KIF3C: variants seen among roughly 807,000 people sequenced by gnomAD.
KIF3C encodes kinesin-like protein KIF3C.
In KIF3C, 12 loss-of-function variants were observed where a neutral mutation model predicts 67.7. The ratio of observed to expected loss-of-function variants is 0.18; its 90% CI spans 0.11 to 0.29. The LOEUF is 0.29. KIF3C is among the 10% of genes least tolerant of loss of function. The probability of loss-of-function intolerance (pLI) is 1.00; values close to 1 mark genes in which losing one functional copy is unlikely to be tolerated. For missense variants in KIF3C, 789 were observed against 1,059.6 expected (o/e 0.74, Z 3.55); for synonymous variants, 393 against 426.2 (o/e 0.92, Z 0.96).
chr2:25,933,583 G>A (rs944904238), intron 5 of KIF3C, among the ~76,000 whole-genome samples: 4 of 151,854 alleles, frequency 2.6e-5, no homozygotes, highest in Non-Finnish European at 4.4e-5. Flanking sequence ...GCTGAGGTGG[G>A]AGGATCACCT....
intron 1 of KIF3C, among the ~76,000 whole-genome samples, chr2:25,966,669 G>A (rs1332283896): frequency 6.6e-6 from 1 of 152,218 alleles, no homozygotes; most frequent in Non-Finnish European, 1.5e-5. Flanking sequence ...CTAGAATGGA[G>A]ACAGCCAGGC....
chr2:25,980,079 C>G lies in KIF3C; in HGVS notation c.1545+294G>C, dbSNP rs574948537. Among the ~76,000 whole-genome samples, 1 of 152,290 alleles carries G rather than the reference C, an allele frequency of 6.6e-6. No homozygotes were observed. Among genetic ancestry groups the G allele is most frequent in the East Asian group, 1.9e-4 (1 of 5,188 alleles). Reference sequence around the variant, plus strand: ...TGGCCATCCCACAGACCTGACTGATCCTGAGGCCACCAGCAGGAAATGCCC... The same window carrying G: ...TGGCCATCCCACAGACCTGACTGATGCTGAGGCCACCAGCAGGAAATGCCC... On this transcript the variant is annotated intron_variant, in intron 1 of 7. Transcript: ENST00000264712. The surrounding 1 kb of genome is among the most constrained non-coding windows in gnomAD (Gnocchi z 7.6).
intron 1 of KIF3C, among the ~76,000 whole-genome samples, chr2:25,969,033 AG>A (rs1229823135): frequency 1.3e-5 from 2 of 152,116 alleles, no homozygotes; most frequent in Admixed American, 6.6e-5. Context: ...CACGTTGGTC[AG>A]GCTGGTCTCG....
chr2:25,981,340 T>A lies in KIF3C; in HGVS notation c.578A>T (p.His193Leu). The change falls in exon 1 of 8, where the codon CAT (histidine) becomes CTT (leucine). Residue 193 changes from histidine to leucine, a missense_variant. His to Leu is a moderately conservative substitution (Grantham distance 99, BLOSUM62 -3). Coordinates refer to ENST00000264712, the MANE Select transcript of KIF3C (RefSeq NM_002254.8). This position sits in a 1 kb window ranked among gnomAD's most constrained non-coding sequence, Gnocchi z 8.2. ...GGTCTGGTTCCCCAGGTTCATCACATGCTCAATCTCCTTGACATTCTTGGT... is the reference window on the plus strand; with the variant it reads ...GGTCTGGTTCCCCAGGTTCATCACAAGCTCAATCTCCTTGACATTCTTGGT... Reference protein sequence around the residue: ...FVTKNVKEIEHVMNLGNQTRA... With the variant: ...FVTKNVKEIELVMNLGNQTRA... The A allele has an allele frequency of 6.2e-7, 1 of 1,614,106 alleles. No individual in the cohort carries two copies. Among genetic ancestry groups the A allele is most frequent in the Non-Finnish European group, 8.5e-7 (1 of 1,180,002 alleles).
rs544610155 is a variant in KIF3C, at chr2:25,957,539, C to G, written c.1546-1095G>C. On this transcript the variant is annotated intron_variant, in intron 1 of 7. Transcript: ENST00000264712. Reference sequence around the variant, plus strand: ...GTCCTCTGGCTTCATCACGGGCCTCCTGGAAGGTTGAAATCACCTTGAACC... The same window carrying G: ...GTCCTCTGGCTTCATCACGGGCCTCGTGGAAGGTTGAAATCACCTTGAACC... Among the ~76,000 whole-genome samples the G allele has an allele frequency of 2.0e-5, 3 of 152,248 alleles. No individual in the cohort carries two copies. The South Asian group carries it at 6.2e-4, about 32-fold the overall frequency.
At chr2:25,950,906 A>G (rs1008906741) in intron 5 of KIF3C, among the ~76,000 whole-genome samples, 21 of 151,552 alleles carry the variant, frequency 1.4e-4, no homozygotes, top group Admixed American at 1.1e-3. Flanking sequence ...AAAAAAAAAA[A>G]AAGAAGAAGA....
At chr2:25,944,591 T>A (rs966596203) in intron 5 of KIF3C, among the ~76,000 whole-genome samples, 1 of 152,122 alleles carries the variant, frequency 6.6e-6, no homozygotes, top group African/African-American at 2.4e-5. Context: ...GCTCAAGCCA[T>A]CTACCTGCTT....
At chr2:25,933,976 C>A in intron 5 of KIF3C, 2 of 313,236 alleles carry the variant, frequency 6.4e-6, no homozygotes, top group Non-Finnish European at 1.3e-5. Flanking sequence ...AAATGTCCAC[C>A]AACTGATGTG....
chr2:25,934,260 G>T (rs1402672673), intron 5 of KIF3C: 3 of 450,624 alleles, frequency 6.7e-6, no homozygotes, highest in Admixed American at 2.6e-5. Flanking sequence ...ATTGGTTCAG[G>T]GTTTCTTTTT....
intron 3 of KIF3C, 71 bp from the exon 4 acceptor site, chr2:25,954,456 C>T (rs1663750882): frequency 3.5e-6 from 4 of 1,157,918 alleles, no homozygotes; most frequent in South Asian, 1.3e-5. Context: ...CAGCCTGGGC[C>T]GCAGGGCTGC....
At chr2:25,961,615 A>T (rs1476871294) in intron 1 of KIF3C, among the ~76,000 whole-genome samples, 1 of 152,260 alleles carries the variant, frequency 6.6e-6, no homozygotes, top group African/African-American at 2.4e-5. Context: ...ACACTGGCTG[A>T]ATATGCTGCC....
chr2:25,962,830 ATATAAAATATAT>A (rs2149237693), intron 1 of KIF3C, among the ~76,000 whole-genome samples: 1 of 70,512 alleles, frequency 1.4e-5, no homozygotes, highest in South Asian at 3.1e-4. Flanking sequence ...TATATAAAAT[ATATAAAATATAT>A]AATATATAAT....
intron 5 of KIF3C, among the ~76,000 whole-genome samples, chr2:25,944,798 C>G (rs564352468): frequency 6.6e-6 from 1 of 152,072 alleles, no homozygotes; most frequent in Admixed American, 6.6e-5. Flanking sequence ...TTTCGGAAAA[C>G]CTTGTAAATC....
intron 5 of KIF3C, among the ~76,000 whole-genome samples, chr2:25,947,453 C>G: frequency 6.6e-6 from 1 of 151,530 alleles, no homozygotes; most frequent in East Asian, 1.9e-4. Context: ...TGGTGGCAGG[C>G]ACCTGTAGTC....
At position 25,982,039 on chromosome 2, in the gene KIF3C, A is replaced by C. The variant is rs1664611236; in HGVS notation, c.-122T>G. ...CCCCAGGCGCAGCTCTTCAATCCGCATGCAGCCTCCTAGGGTGGGGACGCT... is the reference window on the plus strand; with the variant it reads ...CCCCAGGCGCAGCTCTTCAATCCGCCTGCAGCCTCCTAGGGTGGGGACGCT... On this transcript the variant is annotated 5_prime_UTR_variant, in exon 1 of 8. The change abolishes an upstream ATG in the 5' untranslated region. Coordinates refer to ENST00000264712, the MANE Select transcript of KIF3C (RefSeq NM_002254.8). 2.4e-5 allele frequency: 18 copies of C among 757,312 alleles called. No homozygotes were observed. The South Asian group carries it at 2.6e-4, about 11-fold the overall frequency. The allele number at this position is 757,312 out of a possible 1,614,324, so 46.9% of individuals were successfully genotyped here.
rs1270030432 is a variant in KIF3C at position 25,962,911 on chromosome 2, T to A, written c.1546-6467A>T. Among the ~76,000 whole-genome samples the A allele has an allele frequency of 8.2e-4, 45 of 55,154 alleles. 3 individuals carry two copies. Among genetic ancestry groups the A allele is most frequent in the Admixed American group, 7.8e-4 (2 of 2,566 alleles). The allele number at this position is 55,154 out of a possible 152,430, so 36.2% of individuals were successfully genotyped here. The stretch of plus-strand genomic sequence containing the variant: ...TATAATATAAAATATATATAATATA[T>A]AATATATATAATATATAATACATAT... On this transcript the variant is annotated intron_variant, in intron 1 of 7. Coordinates refer to ENST00000264712, the MANE Select transcript of KIF3C (RefSeq NM_002254.8).
At chr2:25,933,141 C>G (rs1049876752) in intron 5 of KIF3C, among the ~76,000 whole-genome samples, 1 of 151,500 alleles carries the variant, frequency 6.6e-6, no homozygotes, top group Non-Finnish European at 1.5e-5. Context: ...ATTCCAGCTA[C>G]TTGGGAGGCT....
intron 3 of KIF3C, among the ~76,000 whole-genome samples, chr2:25,954,683 T>A (rs1341568813): frequency 6.6e-6 from 1 of 152,194 alleles, no homozygotes; most frequent in African/African-American, 2.4e-5. Flanking sequence ...TTTGGTCCAA[T>A]ACCCTCCTTT....
At chr2:25,938,492 T>A in intron 5 of KIF3C, 1 of 304,302 alleles carries the variant, frequency 3.3e-6, no homozygotes, top group Non-Finnish European at 6.6e-6. Context: ...GATGGGCCAG[T>A]GAGTGCCTTT....
Sources: gnomAD v4.1 joint callset for allele counts (sites outside exome capture counted in the v4.1 genomes callset) on GRCh38, gnomAD v4.1.1 for gene constraint, Gnocchi (gnomAD v3.1) non-coding constraint, MANE v1.5 for transcripts, NCBI Gene and HGNC (gene_info 2026-07-23, HGNC 2026-07-21) for gene names.